Variants in TBL1X observed in about 807,000 individuals in gnomAD.
TBL1X encodes transducin beta like 1 X-linked, also known as F-box-like/WD repeat-containing protein TBL1X.
In TBL1X, 10 loss-of-function variants were observed where a neutral mutation model predicts 50.7. The observed-to-expected ratio is 0.20, with a 90% CI of 0.12 to 0.33. The LOEUF is 0.33. TBL1X is among the 10% of genes least tolerant of loss of function. TBL1X has a pLI of 1.00. For synonymous variants in TBL1X, 190 were observed against 214.7 expected, an observed-to-expected ratio of 0.88 and a Z score of 1.01; for missense variants, 340 against 504.4, an observed-to-expected ratio of 0.67 and a Z score of 3.12.
chrX:9,508,056 C>G (rs778106199), intron 2 of TBL1X, among the ~76,000 whole-genome samples: 1 of 112,155 alleles, frequency 8.9e-6, no homozygotes, highest in Non-Finnish European at 1.9e-5. Context: ...GACTAAAACA[C>G]CAAAAGCAAT....
chrX:9,600,182 G>A (rs1251276601), intron 2 of TBL1X, among the ~76,000 whole-genome samples: 1 of 111,287 alleles, frequency 9.0e-6, no homozygotes, highest in East Asian at 2.8e-4. Context: ...TAGACTGAGT[G>A]GCTTATAAAA....
chrX:9,668,516 A>G (rs1181665783), intron 5 of TBL1X, among the ~76,000 whole-genome samples: 2 of 112,431 alleles, frequency 1.8e-5, no homozygotes, highest in East Asian at 2.8e-4. Flanking sequence ...AACTTGTGCA[A>G]AATTTACTGT....
intron 5 of TBL1X, among the ~76,000 whole-genome samples, chrX:9,676,830 C>T (rs1044083603): frequency 1.3e-4 from 15 of 111,660 alleles, no homozygotes; most frequent in African/African-American, 4.6e-4. Flanking sequence ...AAGAATTCTC[C>T]CCAGCATATT....
chrX:9,691,450 A>AAAG, intron 7 of TBL1X, 129 bp from the exon 8 acceptor site: 7 of 663,254 alleles, frequency 1.1e-5, no homozygotes, highest in Non-Finnish European at 1.5e-5. Context: ...AAAAAAAAAA[A>AAAG]AAAAGAAAAG....
At chrX:9,508,635 C>T (rs939249569) in intron 2 of TBL1X, among the ~76,000 whole-genome samples, 7 of 111,741 alleles carry the variant, frequency 6.3e-5, no homozygotes, top group Non-Finnish European at 1.1e-4. Context: ...GATGCATGCA[C>T]GTGTATGTTT....
intron 2 of TBL1X, among the ~76,000 whole-genome samples, chrX:9,574,533 T>C (rs1300569249): frequency 1.8e-5 from 2 of 109,206 alleles, no homozygotes; most frequent in African/African-American, 6.7e-5. Context: ...TTTGTTTACC[T>C]TCCCGAACCT....
chrX:9,591,872 G>A (rs956187716), intron 2 of TBL1X, among the ~76,000 whole-genome samples: 2 of 112,313 alleles, frequency 1.8e-5, no homozygotes, highest in African/African-American at 6.5e-5. Flanking sequence ...ACCCAGGGGG[G>A]CAGGGGATAA....
chrX:9,525,608 A>T (rs1314569344), intron 2 of TBL1X, among the ~76,000 whole-genome samples: 1 of 112,134 alleles, frequency 8.9e-6, no homozygotes, highest in African/African-American at 3.2e-5. Context: ...TTGAATGGAA[A>T]AATTGCATAG....
chrX:9,594,250 A>G (rs981943067), intron 2 of TBL1X, among the ~76,000 whole-genome samples: 2 of 112,772 alleles, frequency 1.8e-5, no homozygotes, highest in African/African-American at 6.4e-5. Flanking sequence ...GAAATTCCCA[A>G]GAATATACCT....
At chrX:9,494,484 C>A (rs771781304) in intron 1 of TBL1X, among the ~76,000 whole-genome samples, 3 of 111,718 alleles carry the variant, frequency 2.7e-5, no homozygotes, top group African/African-American at 9.7e-5. Flanking sequence ...AAGCTTGAAC[C>A]ATGGTGACAG....
At chrX:9,590,988 T>TG (rs1331272087) in intron 2 of TBL1X, among the ~76,000 whole-genome samples, 1 of 53,663 alleles carries the variant, frequency 1.9e-5, no homozygotes, top group Non-Finnish European at 3.5e-5. Flanking sequence ...TGTGTATGTG[T>TG]GGGGGGGATA....
intron 2 of TBL1X, among the ~76,000 whole-genome samples, chrX:9,589,886 G>A (rs2082490239): frequency 9.0e-6 from 1 of 111,688 alleles, no homozygotes; most frequent in African/African-American, 3.3e-5. Context: ...TACCACCTAG[G>A]TGGTCAAGGT....
intron 2 of TBL1X, among the ~76,000 whole-genome samples, chrX:9,515,262 T>C (rs1300392928): frequency 8.9e-6 from 1 of 112,100 alleles, no homozygotes; most frequent in Non-Finnish European, 1.9e-5. Flanking sequence ...TTTACACTAA[T>C]TAAGCCCATA....
intron 2 of TBL1X, among the ~76,000 whole-genome samples, chrX:9,558,439 C>T (rs1184853978): frequency 9.1e-6 from 1 of 110,040 alleles, no homozygotes; most frequent in Non-Finnish European, 1.9e-5. Flanking sequence ...ATTGCTTGAA[C>T]CTGGGAGGTG....
At chrX:9,709,387 T>G in intron 14 of TBL1X, 65 bp downstream of exon 14, 1 of 1,115,272 alleles carries the variant, frequency 9.0e-7, no homozygotes, top group Non-Finnish European at 1.2e-6. Flanking sequence ...TTGATGCCAG[T>G]CTCACGGTCA....
chrX:9,700,614 A>G (rs2083164006), intron 12 of TBL1X, among the ~76,000 whole-genome samples: 1 of 111,735 alleles, frequency 8.9e-6, no homozygotes, highest in Non-Finnish European at 1.9e-5. Flanking sequence ...GAAGAGAAAG[A>G]AGCTCGCTCT....
At chrX:9,466,109 G>C (rs1489897918) in intron 1 of TBL1X, among the ~76,000 whole-genome samples, 2 of 111,814 alleles carry the variant, frequency 1.8e-5, no homozygotes, top group Admixed American at 9.3e-5. Flanking sequence ...CCCTTGGCCC[G>C]TCGAGGGTCT....
chrX:9,536,343 C>T (rs763745806), intron 2 of TBL1X, among the ~76,000 whole-genome samples: 1 of 109,148 alleles, frequency 9.2e-6, no homozygotes, highest in Non-Finnish European at 1.9e-5. Context: ...CTCCACCTCC[C>T]GGGTTCAAGC....
At chrX:9,517,801 T>A (rs183708344) in intron 2 of TBL1X, among the ~76,000 whole-genome samples, 15 of 112,156 alleles carry the variant, frequency 1.3e-4, no homozygotes, top group African/African-American at 4.9e-4. Flanking sequence ...GAAGATAGTT[T>A]TACATGTTTA....
Sources: gnomAD v4.1 joint callset for allele counts (sites outside exome capture counted in the v4.1 genomes callset) on GRCh38, gnomAD v4.1.1 for gene constraint, MANE v1.5 for transcripts, NCBI Gene and HGNC (gene_info 2026-07-23, HGNC 2026-07-21) for gene names.